Variants in CNTN4 observed in about 807,000 individuals in gnomAD.
CNTN4 encodes the protein contactin-4.
A neutral mutation model predicts 122.5 loss-of-function variants in CNTN4; 77 were observed. The observed-to-expected ratio is 0.63, with a 90% CI of 0.52 to 0.76. The LOEUF is 0.76. Among genes scored for constraint, CNTN4 ranks in the 30% least tolerant of loss-of-function variants. CNTN4 has a pLI of 0.00. For missense variants in CNTN4, 1,256 were observed against 1,259.1 expected (o/e 1.00, Z 0.04); for synonymous variants, 512 against 447.0 (o/e 1.15, Z -1.83).
At chr3:2,393,259 T>C (rs2046512887) in intron 3 of CNTN4, among the ~76,000 whole-genome samples, 1 of 15,172 alleles carries the variant, frequency 6.6e-5, no homozygotes, top group African/African-American at 2.7e-4. Context: ...GGGCACACCC[T>C]ATGACCATAT....
intron 4 of CNTN4, among the ~76,000 whole-genome samples, chr3:2,724,826 A>G (rs2149416516): frequency 6.6e-6 from 1 of 152,282 alleles, no homozygotes; most frequent in African/African-American, 2.4e-5. Context: ...CTGTGAAATT[A>G]TGACTGAACG....
chr3:2,968,245 C>T (rs2125070888), intron 13 of CNTN4, among the ~76,000 whole-genome samples: 1 of 152,252 alleles, frequency 6.6e-6, no homozygotes, highest in East Asian at 1.9e-4. Context: ...TTTTTGCTCC[C>T]TCTTCAAAAG....
intron 3 of CNTN4, among the ~76,000 whole-genome samples, chr3:2,521,343 T>TC (rs5846190): frequency 7.8e-5 from 10 of 128,366 alleles, no homozygotes; most frequent in African/African-American, 2.8e-4. Flanking sequence ...CCTCTACCCA[T>TC]CCCCCCCACC....
intron 6 of CNTN4, among the ~76,000 whole-genome samples, chr3:2,752,741 A>T (rs2090155542): frequency 1.3e-5 from 2 of 152,016 alleles, no homozygotes; most frequent in Non-Finnish European, 2.9e-5. Context: ...TTGTCTGTTA[A>T]CCAGTCTCTC....
intron 15 of CNTN4, among the ~76,000 whole-genome samples, chr3:3,030,355 G>A (rs1699060283): frequency 6.6e-6 from 1 of 152,146 alleles, no homozygotes; most frequent in African/African-American, 2.4e-5. Context: ...TGGAGAATCT[G>A]GTCTTCCTAA....
intron 3 of CNTN4, among the ~76,000 whole-genome samples, chr3:2,413,899 G>T (rs2047317896): frequency 6.6e-6 from 1 of 152,146 alleles, no homozygotes; most frequent in Non-Finnish European, 1.5e-5. Flanking sequence ...ATTTATAGCT[G>T]TAAGTGTGGA....
At chr3:2,342,557 G>C (rs954980536) in intron 3 of CNTN4, among the ~76,000 whole-genome samples, 1 of 152,146 alleles carries the variant, frequency 6.6e-6, no homozygotes, top group Admixed American at 6.5e-5. Flanking sequence ...GAGGGAGCCG[G>C]TGGGAGGTAA....
chr3:2,670,083 A>G (rs923673691), intron 4 of CNTN4, among the ~76,000 whole-genome samples: 1 of 152,148 alleles, frequency 6.6e-6, no homozygotes, highest in Non-Finnish European at 1.5e-5. Flanking sequence ...ATTTGCGGGG[A>G]GAGTTCTGTA....
intron 2 of CNTN4, among the ~76,000 whole-genome samples, chr3:2,186,381 C>T (rs2037267715): frequency 6.6e-6 from 1 of 152,212 alleles, no homozygotes; most frequent in South Asian, 2.1e-4. Context: ...AATAGTGCCG[C>T]AATAAACATA....
chr3:2,704,296 CAAAAAAAAA>C (rs151155380), intron 4 of CNTN4, among the ~76,000 whole-genome samples: 99 of 69,498 alleles, frequency 1.4e-3, no homozygotes, highest in African/African-American at 2.6e-3. Flanking sequence ...GACTTCATTT[CAAAAAAAAA>C]AAAAAAAAAA....
chr3:2,567,657 T>G (rs2079232509), intron 3 of CNTN4, among the ~76,000 whole-genome samples: 1 of 152,216 alleles, frequency 6.6e-6, no homozygotes, highest in Non-Finnish European at 1.5e-5. Flanking sequence ...GTGGGAAGTC[T>G]AGGAATAGAG....
intron 8 of CNTN4, among the ~76,000 whole-genome samples, chr3:2,875,830 A>G (rs1025231164): frequency 6.6e-6 from 1 of 152,190 alleles, no homozygotes; most frequent in Admixed American, 6.5e-5. Flanking sequence ...TAGGAAAAAC[A>G]TAGGAGTACT....
intron 8 of CNTN4, among the ~76,000 whole-genome samples, chr3:2,875,665 TTG>T: frequency 6.6e-6 from 1 of 152,170 alleles, no homozygotes. Context: ...AGAAAAAACT[TTG>T]TTAACCCTTG....
intron 12 of CNTN4, among the ~76,000 whole-genome samples, chr3:2,914,431 A>G (rs907984691): frequency 6.6e-6 from 1 of 152,194 alleles, no homozygotes; most frequent in Non-Finnish European, 1.5e-5. Flanking sequence ...GAGTGTACTC[A>G]AATAAGTAAA....
intron 3 of CNTN4, among the ~76,000 whole-genome samples, chr3:2,532,979 C>T (rs113786801): frequency 1.1e-3 from 167 of 152,168 alleles, no homozygotes; most frequent in African/African-American, 3.7e-3. Context: ...TGAGAACCAT[C>T]CTTGATCATT....
At chr3:2,804,735 C>T (rs1483868876) in intron 6 of CNTN4, among the ~76,000 whole-genome samples, 2 of 112,616 alleles carry the variant, frequency 1.8e-5, no homozygotes, top group Non-Finnish European at 3.9e-5. Context: ...ATATTTTGAG[C>T]ACTTTTTTTT....
At chr3:2,180,481 G>A (rs2036966752) in intron 2 of CNTN4, among the ~76,000 whole-genome samples, 2 of 151,922 alleles carry the variant, frequency 1.3e-5, no homozygotes, top group African/African-American at 4.8e-5. Context: ...CATATTTTGG[G>A]TCCACTTGCT....
At chr3:2,982,065 A>C (rs1252135197) in intron 13 of CNTN4, among the ~76,000 whole-genome samples, 1 of 152,186 alleles carries the variant, frequency 6.6e-6, no homozygotes, top group Non-Finnish European at 1.5e-5. Flanking sequence ...CATAAAACAC[A>C]TTAAAAGCAA....
intron 2 of CNTN4, among the ~76,000 whole-genome samples, chr3:2,147,828 T>C (rs2035315833): frequency 6.6e-6 from 1 of 152,244 alleles, no homozygotes; most frequent in East Asian, 1.9e-4. Context: ...TTTTTCCAAA[T>C]GGATCTCACA....
Sources: allele counts gnomAD v4.1 joint callset (sites outside exome capture counted in the v4.1 genomes callset), GRCh38; gene constraint gnomAD v4.1.1; transcripts MANE v1.5; gene names NCBI Gene and HGNC (gene_info 2026-07-23, HGNC 2026-07-21).